SLC9A7: variants seen among roughly 807,000 people sequenced by gnomAD.
SLC9A7 encodes solute carrier family 9 member A7.
A neutral mutation model predicts 52.6 loss-of-function variants in SLC9A7; 19 were observed. The observed-to-expected ratio is 0.36, with a 90% CI of 0.25 to 0.53. The LOEUF (loss-of-function observed/expected upper bound fraction) is 0.53. SLC9A7 is among the 20% of genes least tolerant of loss of function. The pLI is 0.91. For missense variants in SLC9A7, 455 were observed against 597.9 expected, an observed-to-expected ratio of 0.76 and a Z score of 2.49; for synonymous variants, 226 against 252.1, an observed-to-expected ratio of 0.90 and a Z score of 0.98.
chrX:46,661,243 G>A (rs1463201726), intron 7 of SLC9A7, among the ~76,000 whole-genome samples: 20 of 109,244 alleles, frequency 1.8e-4, no homozygotes, highest in African/African-American at 6.7e-4. Flanking sequence ...AAGGGGGGAG[G>A]GATAGCACTG....
At chrX:46,723,098 T>C (rs1569523608) in intron 1 of SLC9A7, among the ~76,000 whole-genome samples, 2 of 110,132 alleles carry the variant, frequency 1.8e-5, no homozygotes, top group Non-Finnish European at 1.9e-5. Context: ...AAAGCTACAG[T>C]TGATCTCCCC....
intron 14 of SLC9A7, among the ~76,000 whole-genome samples, chrX:46,630,327 G>C (rs1020867099): frequency 9.0e-6 from 1 of 111,692 alleles, no homozygotes; most frequent in Non-Finnish European, 1.9e-5. Flanking sequence ...TAAGTGCAAT[G>C]ATGAGTCAGA....
intron 11 of SLC9A7, among the ~76,000 whole-genome samples, chrX:46,648,364 T>C (rs934850143): frequency 4.5e-5 from 5 of 111,706 alleles, no homozygotes; most frequent in African/African-American, 1.6e-4. Context: ...GCTGGTGCCC[T>C]TCAGGAAGCT....
chrX:46,673,181 A>C (rs1365781243), intron 3 of SLC9A7, among the ~76,000 whole-genome samples: 1 of 111,738 alleles, frequency 8.9e-6, no homozygotes, highest in African/African-American at 3.3e-5. Flanking sequence ...CCTGGGAAAG[A>C]GGGACAATAG....
At chrX:46,732,128 A>G (rs1602284717) in intron 1 of SLC9A7, among the ~76,000 whole-genome samples, 1 of 111,501 alleles carries the variant, frequency 9.0e-6, no homozygotes, top group South Asian at 3.8e-4. Context: ...AGGGAGGCTG[A>G]AGCATAAGAA....
chrX:46,627,511 CCA>C (rs1018108280), intron 14 of SLC9A7, among the ~76,000 whole-genome samples: 2 of 111,403 alleles, frequency 1.8e-5, no homozygotes, highest in African/African-American at 6.5e-5. Flanking sequence ...CTGAGTGTCT[CCA>C]CTCTCTTGCT....
chrX:46,633,380 A>AAAAAAAAAAAG (rs1943261033), intron 13 of SLC9A7, among the ~76,000 whole-genome samples: 1 of 94,021 alleles, frequency 1.1e-5, no homozygotes, highest in Non-Finnish European at 2.0e-5. Flanking sequence ...AAAAAAAAAA[A>AAAAAAAAAAAG]ACAGATCGGG....
chrX:46,612,924 CAAAAAAAAAAA>C (rs57833520), intron 16 of SLC9A7, among the ~76,000 whole-genome samples: 4 of 32,489 alleles, frequency 1.2e-4, no homozygotes, highest in Non-Finnish European at 2.1e-4. Context: ...GACTCCGTCT[CAAAAAAAAAAA>C]AAAAAAAAAA....
chrX:46,677,057 A>C (rs1040268328), intron 3 of SLC9A7, among the ~76,000 whole-genome samples: 1 of 111,746 alleles, frequency 8.9e-6, no homozygotes, highest in Non-Finnish European at 1.9e-5. Flanking sequence ...TCCGTTCCTC[A>C]AGCACCTATT....
intron 1 of SLC9A7, among the ~76,000 whole-genome samples, chrX:46,735,817 T>C (rs1306851373): frequency 9.0e-6 from 1 of 111,681 alleles, no homozygotes; most frequent in Non-Finnish European, 1.9e-5. Flanking sequence ...TTCTTGCTTG[T>C]ATGGTCTTTT....
Position 46,635,652 on chromosome X carries a change from G to T in SLC9A7, c.1617-4C>A. On this transcript the variant is annotated splice_polypyrimidine_tract_variant and splice_region_variant and intron_variant, in intron 12 of 16. Transcript: ENST00000616978. Reference sequence around the variant, plus strand: ...GGAGGGCTCCTCGACGCCAACTCTGGGCAGCAGAAGAAGGGAACGTGAGTG... The same window carrying T: ...GGAGGGCTCCTCGACGCCAACTCTGTGCAGCAGAAGAAGGGAACGTGAGTG... 5.8e-6 allele frequency: 7 copies of T among 1,206,191 alleles called. No homozygotes were observed. Among genetic ancestry groups the T allele is most frequent in the Non-Finnish European group, 7.9e-6 (7 of 890,704 alleles).
chrX:46,702,882 T>C (rs1414867440), intron 1 of SLC9A7, among the ~76,000 whole-genome samples: 2 of 112,478 alleles, frequency 1.8e-5, no homozygotes, highest in Non-Finnish European at 1.9e-5. Flanking sequence ...CTGAATTAAT[T>C]TACATTCCTA....
intron 7 of SLC9A7, among the ~76,000 whole-genome samples, chrX:46,654,339 C>T (rs951597586): frequency 9.1e-6 from 1 of 110,349 alleles, no homozygotes; most frequent in African/African-American, 3.3e-5. Flanking sequence ...GCCAAGATTG[C>T]ACCACTGCAC....
chrX:46,627,397 G>A (rs185607497), intron 14 of SLC9A7, among the ~76,000 whole-genome samples: 111 of 111,717 alleles, frequency 9.9e-4, no homozygotes, highest in African/African-American at 3.4e-3. Context: ...ACTCTCCAGA[G>A]CTATACATTG....
At chrX:46,730,709 T>TATATATATATATATATAA (rs1945024634) in intron 1 of SLC9A7, among the ~76,000 whole-genome samples, 1 of 72,534 alleles carries the variant, frequency 1.4e-5, no homozygotes, top group Non-Finnish European at 2.6e-5. Flanking sequence ...TATATATATA[T>TATATATATATATATATAA]AAAATGGATG....
chrX:46,671,424 C>A (rs1275071816), intron 4 of SLC9A7, among the ~76,000 whole-genome samples: 2 of 107,230 alleles, frequency 1.9e-5, no homozygotes, highest in Non-Finnish European at 3.8e-5. Flanking sequence ...CCACTCCCGG[C>A]TAATTTTTTT....
At position 46,754,481 on chromosome X, in the gene SLC9A7, C is replaced by A. The variant is rs1190840440; in HGVS notation, c.325+4224G>T. ...TTAAAAGGGGGGACTCCTGATTAAC[C>A]AGGAAGGAGATGGTTCCAAAATGTT... On this transcript the variant is annotated intron_variant, in intron 1 of 16. Coordinates refer to ENST00000616978, the MANE Select transcript of SLC9A7 (RefSeq NM_001257291.2). Among the ~76,000 whole-genome samples, 5 of 111,701 alleles carry A rather than the reference C, an allele frequency of 4.5e-5. No individual in the cohort carries two copies. In the East Asian group the frequency reaches 1.4e-3, roughly 31 times the overall value.
At chrX:46,648,364 T>G (rs934850143) in intron 11 of SLC9A7, among the ~76,000 whole-genome samples, 3 of 111,706 alleles carry the variant, frequency 2.7e-5, no homozygotes, top group Non-Finnish European at 5.6e-5. Flanking sequence ...GCTGGTGCCC[T>G]TCAGGAAGCT....
intron 1 of SLC9A7, among the ~76,000 whole-genome samples, chrX:46,688,679 A>C (rs749109920): frequency 6.4e-5 from 7 of 109,623 alleles, no homozygotes; most frequent in African/African-American, 2.3e-4. Flanking sequence ...TACCTGTTTT[A>C]GAGAATGTTC....
Sources: gnomAD v4.1 joint callset for allele counts (sites outside exome capture counted in the v4.1 genomes callset) on GRCh38, gnomAD v4.1.1 for gene constraint, MANE v1.5 for transcripts, NCBI Gene and HGNC (gene_info 2026-07-23, HGNC 2026-07-21) for gene names.